Variants in SYNJ2 observed in about 807,000 individuals in gnomAD.
SYNJ2 encodes the protein polyphosphatidylinositol phosphatase SYNJ2.
Under a neutral mutation model 141.3 loss-of-function variants are expected in SYNJ2, and 116 were observed. The ratio of observed to expected loss-of-function variants is 0.82; its 90% CI spans 0.71 to 0.96. The LOEUF is 0.96. Ranked by LOEUF, SYNJ2 falls within the 40% of genes least tolerant of loss-of-function variation. SYNJ2 has a pLI of 0.00. For synonymous variants in SYNJ2, 745 were observed against 777.7 expected, an observed-to-expected ratio of 0.96 and a Z score of 0.70; for missense variants, 1,873 against 1,934.8, an observed-to-expected ratio of 0.97 and a Z score of 0.60.
intron 1 of SYNJ2, among the ~76,000 whole-genome samples, chr6:158,008,580 C>T (rs901247820): frequency 6.6e-6 from 1 of 152,098 alleles, no homozygotes; most frequent in Admixed American, 6.5e-5. Flanking sequence ...GTAGCCTGGG[C>T]GTGGGCTGGG....
chr6:158,088,575 G>A (rs1006083812), intron 23 of SYNJ2, 85 bp from the exon 24 acceptor site: 147 of 975,670 alleles, frequency 1.5e-4, no homozygotes, highest in Middle Eastern at 3.1e-4. Context: ...TGGGACATCC[G>A]CCTCGTCTAG....
At chr6:157,984,590 G>C (rs931650891) in intron 1 of SYNJ2, among the ~76,000 whole-genome samples, 3 of 152,164 alleles carry the variant, frequency 2.0e-5, no homozygotes, top group African/African-American at 7.2e-5. Context: ...TTTTAGTAGA[G>C]ACGGGGTTGT....
intron 2 of SYNJ2, among the ~76,000 whole-genome samples, chr6:158,019,386 C>A (rs1778638999): frequency 6.6e-6 from 1 of 152,204 alleles, no homozygotes; most frequent in Non-Finnish European, 1.5e-5. Flanking sequence ...AAGTGCAGTA[C>A]CTTCCCCCAT....
chr6:158,044,657 G>A (rs750334412), intron 5 of SYNJ2, among the ~76,000 whole-genome samples: 18 of 152,170 alleles, frequency 1.2e-4, no homozygotes, highest in Non-Finnish European at 7.3e-5. Context: ...ACAACTTGGT[G>A]CTTTTACTGC....
rs555721410 is a variant in SYNJ2, at chr6:158,092,122, A to AAT, written c.3566-803_3566-802insTA. Among the ~76,000 whole-genome samples the AAT allele has an allele frequency of 3.6e-4, 55 of 152,008 alleles. No homozygotes were observed. In the East Asian group the frequency reaches 7.5e-3, roughly 21 times the overall value. On this transcript the variant is annotated intron_variant, in intron 25 of 26. Coordinates refer to ENST00000355585, the MANE Select transcript of SYNJ2 (RefSeq NM_003898.4). ...CACAATAAAGCTGTTAAAAAAAAAA[A>AAT]AACTCTAGAGATGTAGATGTTAGTA...
intron 4 of SYNJ2, among the ~76,000 whole-genome samples, chr6:158,039,110 T>A (rs1779796506): frequency 6.6e-6 from 1 of 152,236 alleles, no homozygotes; most frequent in Non-Finnish European, 1.5e-5. Context: ...GAAACTCCTG[T>A]TGCCTCACTT....
At chr6:158,017,330 CCGG>C (rs757836109) in intron 2 of SYNJ2, 40 bp downstream of exon 2, 1 of 1,585,598 alleles carries the variant, frequency 6.3e-7, no homozygotes, top group South Asian at 1.1e-5. Context: ...GCCAGGCTCC[CCGG>C]TGGGCAGGAG....
chr6:158,066,718 C>A, intron 12 of SYNJ2, 83 bp downstream of exon 12: 1 of 1,497,066 alleles, frequency 6.7e-7, no homozygotes, highest in Non-Finnish European at 9.1e-7. Flanking sequence ...TGGCCATCGT[C>A]TTGTGGAATT....
intron 4 of SYNJ2, among the ~76,000 whole-genome samples, chr6:158,034,587 C>G (rs1490476649): frequency 6.6e-6 from 1 of 152,226 alleles, no homozygotes; most frequent in Non-Finnish European, 1.5e-5. Flanking sequence ...TCAGAGTCCC[C>G]ACTCAGAGGA....
chr6:158,043,367 G>T lies in SYNJ2; in HGVS notation c.763G>T (p.Val255Phe). Residue 255 changes from valine (V) to phenylalanine (F), a missense_variant, in exon 5 of 27, where the codon GTT (valine) becomes TTT (phenylalanine). Physicochemically the swap from Val to Phe is conservative, Grantham distance 50. Coordinates refer to ENST00000355585, the MANE Select transcript of SYNJ2 (RefSeq NM_003898.4). This position sits in a 1 kb window ranked among gnomAD's most constrained non-coding sequence, Gnocchi z 4.0. ...ATCTTTTGTCCAGATCAGAGGCTCCGTTCCGCTGTTCTGGGAACAGCCAGG... is the reference window on the plus strand; with the variant it reads ...ATCTTTTGTCCAGATCAGAGGCTCCTTTCCGCTGTTCTGGGAACAGCCAGG... ...VSSFVQIRGS[V>F]PLFWEQPGLQ... The T allele has an allele frequency of 6.2e-7, 1 of 1,614,116 alleles. No individual in the cohort carries two copies. The highest frequency in any genetic ancestry group is 8.5e-7 in the Non-Finnish European group (1 of 1,179,978).
chr6:158,022,649 C>A (rs1422155421), intron 2 of SYNJ2, among the ~76,000 whole-genome samples: 1 of 152,198 alleles, frequency 6.6e-6, no homozygotes, highest in East Asian at 1.9e-4. Flanking sequence ...GTGTGCAGAG[C>A]CTGGAGCCCC....
At chr6:158,025,197 G>C (rs530648343) in intron 2 of SYNJ2, among the ~76,000 whole-genome samples, 1 of 152,292 alleles carries the variant, frequency 6.6e-6, no homozygotes, top group East Asian at 1.9e-4. Context: ...GACATGGTGG[G>C]AGAGGTGCAG....
At chr6:158,073,851 T>G (rs765885074) in intron 15 of SYNJ2, among the ~76,000 whole-genome samples, 1 of 151,996 alleles carries the variant, frequency 6.6e-6, no homozygotes, top group Non-Finnish European at 1.5e-5. Context: ...CCCATCTGTA[T>G]CATGCACTAG....
intron 1 of SYNJ2, among the ~76,000 whole-genome samples, chr6:158,006,196 C>T (rs1358192798): frequency 1.3e-5 from 2 of 152,142 alleles, no homozygotes; most frequent in African/African-American, 4.8e-5. Context: ...CACACATGCA[C>T]ATATGCACAC....
chr6:158,057,671 GAGA>G (rs1780951464), intron 6 of SYNJ2, among the ~76,000 whole-genome samples: 2 of 152,258 alleles, frequency 1.3e-5, no homozygotes, highest in South Asian at 2.1e-4. Flanking sequence ...GGAACCAGTT[GAGA>G]AGAAGGGGCA....
At chr6:158,015,730 C>A (rs1045729821) in intron 1 of SYNJ2, among the ~76,000 whole-genome samples, 1 of 152,032 alleles carries the variant, frequency 6.6e-6, no homozygotes, top group African/African-American at 2.4e-5. Context: ...CTGGATTTTG[C>A]GATTTAATAT....
chr6:158,035,446 A>G (rs1185664422), intron 4 of SYNJ2, among the ~76,000 whole-genome samples: 6 of 152,134 alleles, frequency 3.9e-5, no homozygotes, highest in Admixed American at 1.3e-4. Flanking sequence ...GCAGTTGTGA[A>G]TGGGATTGTG....
chr6:158,017,258 A>G lies in SYNJ2; in HGVS notation c.182A>G (p.Tyr61Cys). 1.2e-6 allele frequency: 2 copies of G among 1,613,236 alleles called. No homozygotes were observed. Reference sequence around the variant, plus strand: ...CAGTATGGCAAGCTCACGGACGCGTACGGCTGCCTGGGGGAGCTGAGGCTG... The same window carrying G: ...CAGTATGGCAAGCTCACGGACGCGTGCGGCTGCCTGGGGGAGCTGAGGCTG... ...KGQYGKLTDA[Y>C]GCLGELRLKS... is the part of the protein sequence containing the mutation. Residue 61 changes from tyrosine (Y) to cysteine (C), a missense_variant, in exon 2 of 27, where the codon TAC becomes TGC. Transcript: ENST00000355585.
Position 158,070,471 on chromosome 6 carries a change from G to T in SYNJ2, c.1940+798G>T, listed in dbSNP as rs73795227. The T allele has an allele frequency of 5.4e-3, 5,309 of 985,374 alleles. 192 individuals are homozygous for T. The African/African-American group carries it at 0.086, about 16-fold the overall frequency. 61.0% of individuals were successfully genotyped at this position (985,374 alleles called of 1,614,324 possible). On this transcript the variant is annotated intron_variant, in intron 14 of 26. Transcript: ENST00000355585. The surrounding 1 kb of genome is among the most constrained non-coding windows in gnomAD (Gnocchi z 4.0). ...CCCTGTCCCTCTGCTTGTGTTATTT[G>T]GGCAGCTTGGCAGTGTCCTAGGTTA...
Sources: allele counts gnomAD v4.1 joint callset (sites outside exome capture counted in the v4.1 genomes callset), GRCh38; gene constraint gnomAD v4.1.1; non-coding constraint Gnocchi (gnomAD v3.1); transcripts MANE v1.5; gene names NCBI Gene and HGNC (gene_info 2026-07-23, HGNC 2026-07-21).